The following MLIP variants were observed in gnomAD, a reference collection of about 807,000 sequenced individuals.
MLIP encodes the protein muscular LMNA-interacting protein.
In MLIP, 79 loss-of-function variants were observed where a neutral mutation model predicts 84.8. The observed-to-expected ratio is 0.93, with a 90% CI of 0.78 to 1.12. MLIP has a LOEUF of 1.12. Ranked by LOEUF, MLIP falls within the 50% of genes most tolerant of loss-of-function variation. The pLI, the probability that MLIP is intolerant of heterozygous loss-of-function variation, is 0.00. For missense variants in MLIP, 1,257 were observed against 1,160.6 expected, an observed-to-expected ratio of 1.08 and a Z score of -1.21; for synonymous variants, 504 against 463.0, an observed-to-expected ratio of 1.09 and a Z score of -1.14.
chr6:54,256,218 C>G (rs1782995120), intron 12 of MLIP, among the ~76,000 whole-genome samples: 1 of 152,138 alleles, frequency 6.6e-6, no homozygotes, highest in Non-Finnish European at 1.5e-5. Context: ...AAAACTGGCT[C>G]CATTCTTGAA....
chr6:54,075,074 C>T (rs545610286), intron 1 of MLIP, among the ~76,000 whole-genome samples: 23 of 151,824 alleles, frequency 1.5e-4, no homozygotes, highest in Non-Finnish European at 2.4e-4. Context: ...ATGGAGAAAC[C>T]CCAGCTCTAC....
At chr6:54,034,708 AAAGT>A (rs1248252670) in intron 1 of MLIP, among the ~76,000 whole-genome samples, 1 of 152,178 alleles carries the variant, frequency 6.6e-6, no homozygotes, top group Non-Finnish European at 1.5e-5. Flanking sequence ...TAAAAAAATT[AAAGT>A]AAGCTAAGAT....
chr6:54,217,365 G>T, intron 11 of MLIP: 1 of 985,382 alleles, frequency 1.0e-6, no homozygotes, highest in Non-Finnish European at 1.2e-6. Context: ...ATGTTGCAAT[G>T]GAAACAGTTT....
intron 13 of MLIP, among the ~76,000 whole-genome samples, chr6:54,265,025 C>T (rs1397391158): frequency 6.6e-6 from 1 of 152,078 alleles, no homozygotes; most frequent in Non-Finnish European, 1.5e-5. Flanking sequence ...GCTTCTTCAC[C>T]TCATGATCTG....
At chr6:54,213,983 G>A (rs924447390) in intron 11 of MLIP, among the ~76,000 whole-genome samples, 3 of 152,056 alleles carry the variant, frequency 2.0e-5, no homozygotes, top group African/African-American at 7.2e-5. Flanking sequence ...GAAGAGCATA[G>A]CCATTTATTT....
At chr6:54,110,090 C>T (rs1769336535), upstream of MLIP, among the ~76,000 whole-genome samples, 3 of 151,238 alleles carry the variant, frequency 2.0e-5, no homozygotes, top group South Asian at 6.3e-4. Context: ...TCATGCCATT[C>T]TCCTGCCTCA....
At chr6:54,080,676 C>T (rs933723244) in intron 1 of MLIP, among the ~76,000 whole-genome samples, 1 of 148,570 alleles carries the variant, frequency 6.7e-6, no homozygotes, top group Non-Finnish European at 1.5e-5. Flanking sequence ...ATGCAAATTT[C>T]TTTCTATAAA....
chr6:54,262,257 C>G, intron 13 of MLIP, among the ~76,000 whole-genome samples: 1 of 152,102 alleles, frequency 6.6e-6, no homozygotes, highest in Non-Finnish European at 1.5e-5. Context: ...AAAGAAAACC[C>G]TTTTTGTTAT....
intron 1 of MLIP, among the ~76,000 whole-genome samples, chr6:54,024,899 A>G (rs1037323177): frequency 3.2e-4 from 49 of 151,922 alleles, no homozygotes; most frequent in Admixed American, 2.0e-4. Context: ...GTGTAGTGGC[A>G]TGATCTCGGC....
chr6:54,259,212 T>C (rs945207355), intron 13 of MLIP, among the ~76,000 whole-genome samples: 1 of 151,860 alleles, frequency 6.6e-6, no homozygotes, highest in African/African-American at 2.4e-5. Context: ...TTAAAGTTAA[T>C]AACTTTTTGT....
At chr6:54,112,651 C>T (rs519978) in intron 1 of MLIP, among the ~76,000 whole-genome samples, 59,225 of 151,766 alleles carry the variant, frequency 0.39, 12,018 homozygotes, top group African/African-American at 0.5. Flanking sequence ...ACATCATGTA[C>T]TGGTTCAACT....
chr6:54,228,598 A>G (rs915830004), intron 11 of MLIP, among the ~76,000 whole-genome samples: 2 of 74,580 alleles, frequency 2.7e-5, no homozygotes, highest in African/African-American at 5.7e-5. Context: ...GGCACAAAAC[A>G]CAGAGTAGCA....
chr6:54,039,311 T>C (rs1272525478), intron 1 of MLIP, among the ~76,000 whole-genome samples: 1 of 151,966 alleles, frequency 6.6e-6, no homozygotes, highest in Non-Finnish European at 1.5e-5. Context: ...AAAATCACTC[T>C]GGGAGTTGCC....
At chr6:54,258,285 G>A (rs1415760308) in intron 13 of MLIP, among the ~76,000 whole-genome samples, 1 of 151,914 alleles carries the variant, frequency 6.6e-6, no homozygotes, top group Non-Finnish European at 1.5e-5. Flanking sequence ...TGTTTTCCAA[G>A]CCATATTTTC....
At chr6:54,217,522 TCTG>T (rs1438136054) in intron 11 of MLIP, 131 of 985,226 alleles carry the variant, frequency 1.3e-4, no homozygotes, top group Non-Finnish European at 1.5e-4. Flanking sequence ...TGCATATTTG[TCTG>T]CTAATTTTTC....
At chr6:54,093,047 T>C (rs567364166) in intron 1 of MLIP, among the ~76,000 whole-genome samples, 17 of 152,222 alleles carry the variant, frequency 1.1e-4, no homozygotes, top group African/African-American at 4.1e-4. Flanking sequence ...CAGCTAATTT[T>C]TGTATTTTTA....
intron 8 of MLIP, among the ~76,000 whole-genome samples, chr6:54,166,863 A>G (rs1400485669): frequency 6.6e-6 from 1 of 151,984 alleles, no homozygotes; most frequent in Admixed American, 6.6e-5. Flanking sequence ...ATGCATACAA[A>G]TAAAATCTAG....
rs141317930 is a variant in MLIP at position 54,113,776 on chromosome 6, C to T, written c.96+2201C>T. On this transcript the variant is annotated intron_variant, in intron 1 of 13. Coordinates refer to ENST00000502396, the MANE Select transcript of MLIP (RefSeq NM_001281747.2). The stretch of plus-strand genomic sequence containing the variant: ...TTATGACCCCATCCATTCTCTCAAA[C>T]AGTCATCATAGTATCAACTCTGTTT... Among the ~76,000 whole-genome samples, 326 of 152,242 alleles carry T rather than the reference C, an allele frequency of 2.1e-3. 2 individuals are homozygous for T. Among genetic ancestry groups the T allele is most frequent in the African/African-American group, 7.5e-3 (311 of 41,536 alleles).
At chr6:54,121,326 T>A in intron 1 of MLIP, 121 bp from the exon 2 acceptor site, 1 of 1,019,010 alleles carries the variant, frequency 9.8e-7, no homozygotes, top group Admixed American at 2.6e-5. Flanking sequence ...GCCATATACA[T>A]GATCACAGGA....
Sources: gnomAD v4.1 joint callset for allele counts (sites outside exome capture counted in the v4.1 genomes callset) on GRCh38, gnomAD v4.1.1 for gene constraint, MANE v1.5 for transcripts, NCBI Gene and HGNC (gene_info 2026-07-23, HGNC 2026-07-21) for gene names.